WNT7B: variants seen among roughly 807,000 people sequenced by gnomAD.
WNT7B encodes Wnt family member 7B, also known as protein Wnt-7b.
A neutral mutation model predicts 38.2 loss-of-function variants in WNT7B; 19 were observed. The ratio of observed to expected loss-of-function variants is 0.50; its 90% CI spans 0.35 to 0.73. The LOEUF (loss-of-function observed/expected upper bound fraction) is 0.73. Among genes scored for constraint, WNT7B ranks in the 30% least tolerant of loss-of-function variants. WNT7B has a pLI of 0.01. For missense variants in WNT7B, 423 were observed against 507.9 expected, an observed-to-expected ratio of 0.83 and a Z score of 1.61; for synonymous variants, 243 against 209.3, an observed-to-expected ratio of 1.16 and a Z score of -1.39.
At chr22:45,933,657 C>T (rs1330513246) in intron 2 of WNT7B, among the ~76,000 whole-genome samples, 1 of 152,138 alleles carries the variant, frequency 6.6e-6, no homozygotes, top group Non-Finnish European at 1.5e-5. Context: ...ATTCACTGAC[C>T]TACCTCCGTG....
Position 45,931,125 on chromosome 22 carries a change from G to A in WNT7B, c.543C>T (p.Asn181=), listed in dbSNP as rs1315307218. The A allele has an allele frequency of 2.3e-5, 37 of 1,590,858 alleles. No homozygotes were observed. Among genetic ancestry groups the A allele is most frequent in the Non-Finnish European group, 3.0e-5 (35 of 1,171,886 alleles). Residue 181 remains asparagine, a synonymous_variant, in exon 3 of 4, where the codon AAC becomes AAT. Transcript: ENST00000339464. ...EIKKNARRLM[N]LHNNEAGRKV... ...TCCTGCCGGCCTCATTGTTATGCAG[G>A]TTCATGAGGCGCCGCGCGTTCTTCT...
At chr22:45,969,603 T>C (rs1444339130) in intron 1 of WNT7B, among the ~76,000 whole-genome samples, 1 of 152,248 alleles carries the variant, frequency 6.6e-6, no homozygotes, top group Non-Finnish European at 1.5e-5. Flanking sequence ...CAAGTCAGCA[T>C]GTAGCAGGGG....
At position 45,975,322 on chromosome 22, in the gene WNT7B, A is replaced by C. The variant is rs896262980; in HGVS notation, c.71+1362T>G. 2.0e-5 allele frequency among the ~76,000 whole-genome samples: 3 copies of C among 151,392 alleles called. No homozygotes were observed. Among genetic ancestry groups the C allele is most frequent in the African/African-American group, 2.4e-5 (1 of 41,096 alleles). ...GATGCAGGAAAAGAGCAGCCTGCCC[A>C]CTCCACCCCCCGCCCAGCAGGCTCA... On this transcript the variant is annotated intron_variant, in intron 1 of 3. Coordinates refer to ENST00000339464, the MANE Select transcript of WNT7B (RefSeq NM_058238.3). This position sits in a 1 kb window ranked among gnomAD's most constrained non-coding sequence, Gnocchi z 6.6.
rs1932556730 is a variant in WNT7B, at chr22:45,976,610, C to T, written c.71+74G>A. 7 of 1,507,484 alleles carry T rather than the reference C, an allele frequency of 4.6e-6. 1 individual carries two copies. The highest frequency in any genetic ancestry group is 1.4e-5 in the African/African-American group (1 of 71,954). 93.4% of individuals were successfully genotyped at this position (1,507,484 alleles called of 1,614,324 possible). A position where few individuals can be genotyped will look rare whatever the true frequency, so the allele number is the denominator to read the frequency against. ...GCCCCCTCCAGTCCCCACGTCCCCACGGGGACGCCCCGGAGGCAGCTCCTT... is the reference window on the plus strand; with the variant it reads ...GCCCCCTCCAGTCCCCACGTCCCCATGGGGACGCCCCGGAGGCAGCTCCTT... On this transcript the variant is annotated intron_variant, in intron 1 of 3. Transcript: ENST00000339464. This position sits in a 1 kb window ranked among gnomAD's most constrained non-coding sequence, Gnocchi z 8.5.
At chr22:45,933,919 G>A (rs1244747836) in intron 2 of WNT7B, among the ~76,000 whole-genome samples, 1 of 152,238 alleles carries the variant, frequency 6.6e-6, no homozygotes, top group Non-Finnish European at 1.5e-5. Context: ...GCCAGGGCCA[G>A]CTGCTGGGGA....
chr22:45,954,603 C>A, intron 1 of WNT7B: 9 of 985,336 alleles, frequency 9.1e-6, no homozygotes, highest in Non-Finnish European at 1.1e-5. Context: ...CCCAGCAGCC[C>A]CCTGCGTGCC....
intron 3 of WNT7B, chr22:45,925,036 A>G (rs1931039786): frequency 1.1e-6 from 1 of 941,154 alleles, no homozygotes; most frequent in Non-Finnish European, 1.2e-6. Context: ...GTGGGTCCAA[A>G]GGCTCATCAG....
At chr22:45,970,997 G>T (rs969788430) in intron 1 of WNT7B, among the ~76,000 whole-genome samples, 1 of 152,266 alleles carries the variant, frequency 6.6e-6, no homozygotes, top group African/African-American at 2.4e-5. Flanking sequence ...GCAGCATCTG[G>T]CTGCGGTTGC....
chr22:45,945,621 C>A (rs980390062), intron 2 of WNT7B, among the ~76,000 whole-genome samples: 9 of 152,238 alleles, frequency 5.9e-5, no homozygotes, highest in Admixed American at 2.6e-4. Context: ...AGAATCCAGC[C>A]CTCGAGACCT....
intron 3 of WNT7B, among the ~76,000 whole-genome samples, chr22:45,924,936 G>A (rs1465935020): frequency 1.3e-5 from 2 of 149,024 alleles, no homozygotes; most frequent in Non-Finnish European, 3.0e-5. Flanking sequence ...TGCTGGGTGG[G>A]CCTGAAGGCT....
intron 2 of WNT7B, among the ~76,000 whole-genome samples, chr22:45,947,362 G>C (rs929235891): frequency 1.3e-5 from 2 of 152,264 alleles, no homozygotes; most frequent in Admixed American, 6.5e-5. Flanking sequence ...ACAGCTGCCA[G>C]GGGAGGGCCA....
At chr22:45,956,091 G>T (rs984066131) in intron 1 of WNT7B, among the ~76,000 whole-genome samples, 2 of 152,198 alleles carry the variant, frequency 1.3e-5, no homozygotes, top group African/African-American at 2.4e-5. Context: ...ACGAGAGCAG[G>T]AGTGGACAGA....
intron 2 of WNT7B, among the ~76,000 whole-genome samples, chr22:45,948,367 C>G (rs1931846292): frequency 6.6e-6 from 1 of 152,200 alleles, no homozygotes; most frequent in Non-Finnish European, 1.5e-5. Flanking sequence ...CGGTGCCACC[C>G]TCTTCGCTGT....
intron 2 of WNT7B, among the ~76,000 whole-genome samples, chr22:45,932,416 A>ACCCCC (rs35323637): frequency 5.6e-5 from 8 of 142,628 alleles, no homozygotes; most frequent in South Asian, 2.3e-4. Context: ...GCCTTCCCAG[A>ACCCCC]CCCCCCCCGC....
intron 2 of WNT7B, among the ~76,000 whole-genome samples, chr22:45,938,559 C>G (rs10453448): frequency 0.047 from 7,166 of 151,972 alleles, 574 homozygotes; most frequent in African/African-American, 0.17. Context: ...ATCGCTTGAA[C>G]CTGGGAGAGG....
intron 1 of WNT7B, among the ~76,000 whole-genome samples, chr22:45,967,814 G>A (rs978528656): frequency 1.1e-4 from 16 of 152,246 alleles, no homozygotes; most frequent in Admixed American, 7.8e-4. Flanking sequence ...ATGTGCCGTC[G>A]GCGCCTCAAA....
intron 2 of WNT7B, among the ~76,000 whole-genome samples, chr22:45,944,453 G>T (rs1308326467): frequency 6.6e-6 from 1 of 152,250 alleles, no homozygotes; most frequent in African/African-American, 2.4e-5. Flanking sequence ...CCAGGAGTGG[G>T]CTTGGGCAGC....
chr22:45,931,819 C>T (rs1344353661), intron 2 of WNT7B, among the ~76,000 whole-genome samples: 1 of 152,058 alleles, frequency 6.6e-6, no homozygotes, highest in Non-Finnish European at 1.5e-5. Context: ...CATGAACGGG[C>T]ATTTGCACTG....
chr22:45,942,263 T>C (rs1398901671), intron 2 of WNT7B, among the ~76,000 whole-genome samples: 3 of 152,196 alleles, frequency 2.0e-5, no homozygotes, highest in Non-Finnish European at 4.4e-5. Flanking sequence ...AAAGTGGCTG[T>C]TGGGCACAGA....
Sources: gnomAD v4.1 joint callset for allele counts (sites outside exome capture counted in the v4.1 genomes callset) on GRCh38, gnomAD v4.1.1 for gene constraint, Gnocchi (gnomAD v3.1) non-coding constraint, MANE v1.5 for transcripts, NCBI Gene and HGNC (gene_info 2026-07-23, HGNC 2026-07-21) for gene names.